Variants in TRIO observed in about 807,000 individuals in gnomAD.
TRIO encodes triple functional domain protein.
In TRIO, 58 loss-of-function variants were observed where a neutral mutation model predicts 351.9. That is an observed-to-expected ratio of 0.16 (90% CI 0.13 to 0.21). TRIO has a LOEUF of 0.21. Among genes scored for constraint, TRIO ranks in the 10% least tolerant of loss-of-function variants. The pLI, the probability that TRIO is intolerant of heterozygous loss-of-function variation, is 1.00. For missense variants in TRIO, 3,201 were observed against 4,027.8 expected, an observed-to-expected ratio of 0.79 and a Z score of 5.56; for synonymous variants, 1,758 against 1,595.7, an observed-to-expected ratio of 1.10 and a Z score of -2.42.
chr5:14,306,617 A>T (rs963320591), intron 8 of TRIO, among the ~76,000 whole-genome samples: 6 of 152,254 alleles, frequency 3.9e-5, no homozygotes, highest in Non-Finnish European at 5.9e-5. Flanking sequence ...AGCTGTCTGC[A>T]TGCCCTTGCC....
intron 1 of TRIO, among the ~76,000 whole-genome samples, chr5:14,268,661 T>G (rs1375119034): frequency 6.6e-6 from 1 of 152,248 alleles, no homozygotes; most frequent in Non-Finnish European, 1.5e-5. Flanking sequence ...CGCTTACTCC[T>G]TCCTAGTATT....
intron 1 of TRIO, among the ~76,000 whole-genome samples, chr5:14,269,270 C>A (rs556947124): frequency 1.2e-3 from 184 of 152,294 alleles, no homozygotes; most frequent in Non-Finnish European, 2.0e-3. Flanking sequence ...TGGACAGGAG[C>A]GATTTACATT....
intron 18 of TRIO, among the ~76,000 whole-genome samples, chr5:14,370,815 G>T (rs754797795): frequency 6.6e-6 from 1 of 152,138 alleles, no homozygotes; most frequent in South Asian, 2.1e-4. Context: ...TTAGGATTTC[G>T]AGGTGGAATC....
rs550022969 is a variant in TRIO at position 14,496,782 on chromosome 5, A to G, written c.7881-97A>G. ...GAGGATTTCCCATCCCCCTGCACAC[A>G]CATACGTTGAATATTCAGCTTTTCT... On this transcript the variant is annotated intron_variant, in intron 49 of 56. Transcript: ENST00000344204. The G allele has an allele frequency of 1.1e-4, 166 of 1,509,776 alleles. 1 individual carries two copies. The Admixed American group carries it at 3.1e-3, about 28-fold the overall frequency. 93.5% of individuals were successfully genotyped at this position (1,509,776 alleles called of 1,614,324 possible). A position where few individuals can be genotyped will look rare whatever the true frequency, so the allele number is the denominator to read the frequency against.
chr5:14,429,609 C>T (rs910975000), intron 34 of TRIO, among the ~76,000 whole-genome samples: 2 of 152,134 alleles, frequency 1.3e-5, no homozygotes, highest in South Asian at 4.1e-4. Context: ...CGTTCACACA[C>T]CCCACCCATA....
Position 14,504,576 on chromosome 5 carries a change from C to A in TRIO, c.8595C>A (p.Tyr2865Ter). ...ACACCTTTGAGACCCCCACCAGCTA[C>A]ATCCTGGTCTTAGAAATGTGCGTAC... ...LLDTFETPTS[Y>*]ILVLEMADQG... The change falls in exon 55 of 57, where the codon TAC becomes TAA. Residue 2865 changes from tyrosine (Y) to a stop codon, truncating the protein, a stop_gained. Transcript: ENST00000344204. LOFTEE classifies it high-confidence loss of function. 1 of 1,614,180 alleles carries A rather than the reference C, an allele frequency of 6.2e-7. No homozygotes were observed. Among genetic ancestry groups the A allele is most frequent in the Non-Finnish European group, 8.5e-7 (1 of 1,180,034 alleles).
At chr5:14,287,740 C>T (rs889267060) in intron 4 of TRIO, among the ~76,000 whole-genome samples, 2 of 152,208 alleles carry the variant, frequency 1.3e-5, no homozygotes, top group Non-Finnish European at 2.9e-5. Context: ...GGAGGAAAGT[C>T]TTCCTGCCAG....
At chr5:14,230,158 G>A (rs958162621) in intron 1 of TRIO, among the ~76,000 whole-genome samples, 1 of 152,184 alleles carries the variant, frequency 6.6e-6, no homozygotes, top group Non-Finnish European at 1.5e-5. Flanking sequence ...TGAAGAGGTG[G>A]ACAGTTTTTG....
intron 11 of TRIO, among the ~76,000 whole-genome samples, chr5:14,357,067 T>C (rs563126171): frequency 6.6e-6 from 1 of 152,348 alleles, no homozygotes; most frequent in African/African-American, 2.4e-5. Flanking sequence ...ACTTTACATT[T>C]GTGCAGCTTA....
intron 1 of TRIO, among the ~76,000 whole-genome samples, chr5:14,252,290 A>G (rs1794789882): frequency 2.6e-5 from 4 of 152,040 alleles, no homozygotes; most frequent in African/African-American, 4.8e-5. Context: ...CTCACTCTCT[A>G]TCCAGCTGTG....
At chr5:14,343,634 T>G (rs752105872) in intron 11 of TRIO, among the ~76,000 whole-genome samples, 3 of 152,246 alleles carry the variant, frequency 2.0e-5, no homozygotes, top group Non-Finnish European at 4.4e-5. Context: ...GGTCTGGATA[T>G]ATCACAGTTT....
chr5:14,445,276 T>C (rs1301775044), intron 34 of TRIO, among the ~76,000 whole-genome samples: 1 of 152,188 alleles, frequency 6.6e-6, no homozygotes, highest in African/African-American at 2.4e-5. Context: ...ATGCTCCTAT[T>C]AATTTTTTGC....
At chr5:14,443,579 A>T (rs1040081626) in intron 34 of TRIO, among the ~76,000 whole-genome samples, 7 of 152,240 alleles carry the variant, frequency 4.6e-5, no homozygotes, top group Admixed American at 2.6e-4. Context: ...AGCCCGTCTT[A>T]CACCTGCAAG....
intron 3 of TRIO, 34 bp downstream of exon 3, chr5:14,280,470 G>T: frequency 6.4e-7 from 1 of 1,572,990 alleles, no homozygotes; most frequent in Middle Eastern, 1.7e-4. Context: ...TGTCACTGAT[G>T]TCACATTTAC....
chr5:14,187,259 G>T (rs1362196483), intron 1 of TRIO, among the ~76,000 whole-genome samples: 1 of 152,148 alleles, frequency 6.6e-6, no homozygotes. Flanking sequence ...GCATTAACAA[G>T]GACTACAGAT....
At chr5:14,468,460 G>A (rs1473785646) in intron 37 of TRIO, among the ~76,000 whole-genome samples, 1 of 152,226 alleles carries the variant, frequency 6.6e-6, no homozygotes, top group Non-Finnish European at 1.5e-5. Context: ...CCTCCCTTGG[G>A]AGAACCATGT....
intron 26 of TRIO, 143 bp downstream of exon 26, chr5:14,390,443 T>C (rs1746966600): frequency 4.2e-6 from 3 of 721,330 alleles, no homozygotes; most frequent in African/African-American, 1.8e-5. Context: ...CCTCAAAGAA[T>C]TGCATACTTC....
At chr5:14,496,773 C>T (rs1223705753) in intron 49 of TRIO, 106 bp from the exon 50 acceptor site, 4 of 1,456,968 alleles carry the variant, frequency 2.7e-6, no homozygotes, top group Non-Finnish European at 3.7e-6. Flanking sequence ...TTCCCATCCC[C>T]CTGCACACAC....
intron 3 of TRIO, among the ~76,000 whole-genome samples, chr5:14,281,959 C>A (rs1561287724): frequency 6.6e-6 from 1 of 152,212 alleles, no homozygotes; most frequent in Admixed American, 6.5e-5. Flanking sequence ...TAGGTTGACA[C>A]AAGCGGGACA....
Sources: gnomAD v4.1 joint callset for allele counts (sites outside exome capture counted in the v4.1 genomes callset) on GRCh38, gnomAD v4.1.1 for gene constraint, MANE v1.5 for transcripts, NCBI Gene and HGNC (gene_info 2026-07-23, HGNC 2026-07-21) for gene names.